TBX15: variants seen among roughly 807,000 people sequenced by gnomAD.
The protein encoded by TBX15 is T-box transcription factor 15, also known as T-box transcription factor TBX15.
TBX15 carries 18 observed loss-of-function variants against 53.9 expected under a neutral mutation model. The observed-to-expected ratio is 0.33, with a 90% CI of 0.23 to 0.49. TBX15 has a LOEUF of 0.49. Ranked by LOEUF, TBX15 falls within the 20% of genes least tolerant of loss-of-function variation. The pLI, the probability that TBX15 is intolerant of heterozygous loss-of-function variation, is 0.98. For missense variants in TBX15, 692 were observed against 749.5 expected, an observed-to-expected ratio of 0.92 and a Z score of 0.90; for synonymous variants, 295 against 278.0, an observed-to-expected ratio of 1.06 and a Z score of -0.61.
intron 1 of TBX15, among the ~76,000 whole-genome samples, chr1:118,967,560 C>T (rs1475247370): frequency 2.0e-5 from 3 of 152,068 alleles, no homozygotes; most frequent in Non-Finnish European, 4.4e-5. Context: ...TCAAATCCAT[C>T]AGTTAAGTGA....
intron 1 of TBX15, among the ~76,000 whole-genome samples, chr1:118,973,429 C>T (rs1195128961): frequency 6.6e-6 from 1 of 151,468 alleles, no homozygotes; most frequent in Non-Finnish European, 1.5e-5. Flanking sequence ...GGTTAGTACT[C>T]AGCTGACAAG....
At chr1:118,955,071 C>T in intron 1 of TBX15, among the ~76,000 whole-genome samples, 1 of 152,202 alleles carries the variant, frequency 6.6e-6, no homozygotes, top group Non-Finnish European at 1.5e-5. Context: ...GAGTCACCTA[C>T]ATGGCATCAC....
At chr1:118,950,530 G>A (rs1319737431) in intron 1 of TBX15, among the ~76,000 whole-genome samples, 1 of 152,224 alleles carries the variant, frequency 6.6e-6, no homozygotes, top group Non-Finnish European at 1.5e-5. Flanking sequence ...AATAGCAGCT[G>A]AAAATATACA....
At chr1:118,926,217 T>C (rs953146222) in intron 3 of TBX15, among the ~76,000 whole-genome samples, 3 of 152,206 alleles carry the variant, frequency 2.0e-5, no homozygotes, top group African/African-American at 7.2e-5. Context: ...AATTATTCAA[T>C]ATGTTAATCA....
intron 1 of TBX15, among the ~76,000 whole-genome samples, chr1:118,963,334 C>T (rs1656938871): frequency 6.6e-6 from 1 of 152,174 alleles, no homozygotes; most frequent in African/African-American, 2.4e-5. Flanking sequence ...TCAATCCTCT[C>T]CTTTACAATG....
rs939050466 is a variant in TBX15 at position 118,987,931 on chromosome 1, C to T, written c.-136G>A. 8 of 1,087,710 alleles carry T rather than the reference C, an allele frequency of 7.4e-6. No individual in the cohort carries two copies. The highest frequency in any genetic ancestry group is 1.0e-5 in the Non-Finnish European group (8 of 768,400). 67.4% of individuals were successfully genotyped at this position (1,087,710 alleles called of 1,614,324 possible). Reference sequence around the variant, plus strand: ...CGGACGAGGCTGAGACTGCGGCTCGCGGGTCTCTCCACCCTCCCCCTGCGT... The same window carrying T: ...CGGACGAGGCTGAGACTGCGGCTCGTGGGTCTCTCCACCCTCCCCCTGCGT... On this transcript the variant is annotated 5_prime_UTR_variant, in exon 1 of 8. Transcript: ENST00000369429.
intron 1 of TBX15, among the ~76,000 whole-genome samples, chr1:118,979,925 C>G (rs1302201489): frequency 6.6e-6 from 1 of 152,166 alleles, no homozygotes; most frequent in Non-Finnish European, 1.5e-5. Flanking sequence ...GCAGCCAAGC[C>G]GCGCCTGACC....
At chr1:118,946,075 A>G (rs1056128069) in intron 1 of TBX15, among the ~76,000 whole-genome samples, 1 of 152,206 alleles carries the variant, frequency 6.6e-6, no homozygotes, top group Admixed American at 6.6e-5. Flanking sequence ...TATACAATAT[A>G]TAGCATCTTT....
At chr1:118,889,799 A>AT (rs1553217616) in intron 7 of TBX15, among the ~76,000 whole-genome samples, 4 of 102,590 alleles carry the variant, frequency 3.9e-5, no homozygotes, top group East Asian at 1.9e-3. Context: ...ATAGGCATTA[A>AT]TTTAAAAAAA....
chr1:118,986,061 G>A (rs1454941680), intron 1 of TBX15, among the ~76,000 whole-genome samples: 1 of 152,266 alleles, frequency 6.6e-6, no homozygotes, highest in Non-Finnish European at 1.5e-5. Context: ...CAGGACGTCT[G>A]CCACGCGCAG....
intron 1 of TBX15, among the ~76,000 whole-genome samples, chr1:118,957,738 C>T (rs1240661154): frequency 2.0e-5 from 3 of 152,132 alleles, no homozygotes; most frequent in Non-Finnish European, 2.9e-5. Flanking sequence ...TTTTTGTCCT[C>T]GCGATAGTTT....
chr1:118,891,903 T>A (rs947137352), intron 7 of TBX15, among the ~76,000 whole-genome samples: 6 of 152,228 alleles, frequency 3.9e-5, no homozygotes, highest in Non-Finnish European at 5.9e-5. Flanking sequence ...TTGGGTTTTA[T>A]TTTATTTACA....
intron 5 of TBX15, among the ~76,000 whole-genome samples, chr1:118,915,646 T>C (rs1359640589): frequency 6.6e-5 from 10 of 152,242 alleles, no homozygotes; most frequent in African/African-American, 2.4e-4. Flanking sequence ...ACTGCTTTTC[T>C]GTGTTTGACC....
chr1:118,938,041 C>T (rs561179530), intron 1 of TBX15, among the ~76,000 whole-genome samples: 10 of 152,108 alleles, frequency 6.6e-5, no homozygotes, highest in South Asian at 2.1e-4. Context: ...ATGCTGGTGA[C>T]GAAATTTTTC....
chr1:118,986,480 T>G (rs566247535), intron 1 of TBX15, among the ~76,000 whole-genome samples: 60 of 152,320 alleles, frequency 3.9e-4, no homozygotes, highest in African/African-American at 1.4e-3. Context: ...ATTATTAGCC[T>G]CGGGAGCATG....
At chr1:118,950,892 G>C (rs560732417) in intron 1 of TBX15, among the ~76,000 whole-genome samples, 6 of 152,220 alleles carry the variant, frequency 3.9e-5, no homozygotes, top group Non-Finnish European at 8.8e-5. Context: ...ATGTCATCTT[G>C]GTTCCTTACC....
intron 5 of TBX15, among the ~76,000 whole-genome samples, chr1:118,915,267 T>G (rs1249175422): frequency 6.6e-6 from 1 of 152,218 alleles, no homozygotes; most frequent in African/African-American, 2.4e-5. Context: ...CATCTTCATA[T>G]TTTTGATAAT....
At chr1:118,897,932 C>A (rs1432666115) in intron 7 of TBX15, among the ~76,000 whole-genome samples, 1 of 152,160 alleles carries the variant, frequency 6.6e-6, no homozygotes, top group African/African-American at 2.4e-5. Flanking sequence ...TTGGTCCTGA[C>A]ACAACTTTGC....
intron 1 of TBX15, among the ~76,000 whole-genome samples, chr1:118,963,837 G>T (rs1656954920): frequency 6.6e-6 from 1 of 152,222 alleles, no homozygotes; most frequent in African/African-American, 2.4e-5. Flanking sequence ...TAAGCATGAT[G>T]CAAGAGTTGA....
Sources: allele counts gnomAD v4.1 joint callset (sites outside exome capture counted in the v4.1 genomes callset), GRCh38; gene constraint gnomAD v4.1.1; transcripts MANE v1.5; gene names NCBI Gene and HGNC (gene_info 2026-07-23, HGNC 2026-07-21).